TAFA1: variants seen among roughly 807,000 people sequenced by gnomAD.
The protein encoded by TAFA1 is TAFA chemokine like family member 1.
A neutral mutation model predicts 18.5 loss-of-function variants in TAFA1; 4 were observed. The observed-to-expected ratio is 0.22, with a 90% CI of 0.11 to 0.49. The LOEUF (loss-of-function observed/expected upper bound fraction) is 0.49, where lower values mean the gene tolerates loss of function less well. Ranked by LOEUF, TAFA1 falls within the 20% of genes least tolerant of loss-of-function variation. The probability of loss-of-function intolerance (pLI) is 0.98; values close to 1 mark genes in which losing one functional copy is unlikely to be tolerated. For synonymous variants in TAFA1, 56 were observed against 55.2 expected (o/e 1.01, Z -0.06); for missense variants, 147 against 169.0 (o/e 0.87, Z 0.72).
chr3:68,129,829 C>A (rs1347049302), intron 2 of TAFA1, among the ~76,000 whole-genome samples: 7 of 152,132 alleles, frequency 4.6e-5, no homozygotes, highest in Non-Finnish European at 1.0e-4. Context: ...AAAGTTCCTT[C>A]TTGAAGTAAG....
chr3:68,379,052 T>C (rs2069876803), intron 2 of TAFA1, among the ~76,000 whole-genome samples: 1 of 152,204 alleles, frequency 6.6e-6, no homozygotes. Context: ...GGTCAAATGT[T>C]ATTTCTGTTT....
intron 2 of TAFA1, among the ~76,000 whole-genome samples, chr3:68,173,781 A>G (rs1204567670): frequency 6.6e-6 from 1 of 151,984 alleles, no homozygotes; most frequent in African/African-American, 2.4e-5. Flanking sequence ...GTGTTTTTAG[A>G]GCCCTTCCCT....
intron 2 of TAFA1, among the ~76,000 whole-genome samples, chr3:68,061,169 C>T (rs565251882): frequency 5.3e-5 from 8 of 152,264 alleles, no homozygotes; most frequent in Non-Finnish European, 1.0e-4. Flanking sequence ...ATGGCATATG[C>T]GAGTCTGTCT....
chr3:68,373,561 C>A (rs919221065), intron 2 of TAFA1, among the ~76,000 whole-genome samples: 2 of 152,100 alleles, frequency 1.3e-5, no homozygotes, highest in Non-Finnish European at 2.9e-5. Context: ...TCTAAGGTAC[C>A]CCATGCCCTC....
upstream of TAFA1, among the ~76,000 whole-genome samples, chr3:67,999,695 A>T (rs1362329838): frequency 6.6e-6 from 1 of 152,036 alleles, no homozygotes; most frequent in Non-Finnish European, 1.5e-5. Flanking sequence ...ATTTAGTGGC[A>T]AGTAGGCATT....
intron 2 of TAFA1, among the ~76,000 whole-genome samples, chr3:68,334,965 G>A (rs1277549698): frequency 6.6e-6 from 1 of 152,050 alleles, no homozygotes; most frequent in Non-Finnish European, 1.5e-5. Context: ...TAACTTCAAG[G>A]GAATAAAGAA....
intron 4 of TAFA1, among the ~76,000 whole-genome samples, chr3:68,543,176 T>G (rs1485137044): frequency 6.6e-6 from 1 of 152,138 alleles, no homozygotes; most frequent in African/African-American, 2.4e-5. Flanking sequence ...TTTGGCTTAG[T>G]GATTTTGGAG....
chr3:68,222,942 G>A lies in TAFA1; in HGVS notation c.119-194338G>A, dbSNP rs116736923. On this transcript the variant is annotated intron_variant, in intron 2 of 4. Transcript: ENST00000478136. ...CCCACCTTAGCCTCCCAAAGTGCTA[G>A]TGCTGGGATTATAGACATGAGCCAC... Among the ~76,000 whole-genome samples, 1,283 of 152,260 alleles carry A rather than the reference G, an allele frequency of 8.4e-3. 16 individuals are homozygous for A. The highest frequency in any genetic ancestry group is 0.029 in the African/African-American group (1,219 of 41,542).
chr3:68,025,086 C>A lies in TAFA1; in HGVS notation c.118+18342C>A, dbSNP rs1322204620. 3.9e-5 allele frequency among the ~76,000 whole-genome samples: 6 copies of A among 152,282 alleles called. No homozygotes were observed. The South Asian group carries it at 1.0e-3, about 26-fold the overall frequency. On this transcript the variant is annotated intron_variant, in intron 2 of 4. Transcript: ENST00000478136. ...TAAAACAGATCTTCCCTAGTCCCCA[C>A]ACCTATTCCATCCATACCTTTCTTC...
At chr3:68,127,846 GTGGTGGTGGTGGTTGTGGTGATGATTA>G (rs982107837) in intron 2 of TAFA1, among the ~76,000 whole-genome samples, 1 of 147,486 alleles carries the variant, frequency 6.8e-6, no homozygotes, top group African/African-American at 2.6e-5. Context: ...GCTGATAGCA[GTGGTGGTGGTGGTTGTGGTGATGATTA>G]TGGTGGTGGT....
intron 3 of TAFA1, among the ~76,000 whole-genome samples, chr3:68,465,629 C>T (rs888988593): frequency 6.6e-6 from 1 of 152,160 alleles, no homozygotes; most frequent in Non-Finnish European, 1.5e-5. Context: ...CTATCTTGCT[C>T]TCCTGCTGGT....
intron 2 of TAFA1, among the ~76,000 whole-genome samples, chr3:68,407,495 A>T (rs1020234140): frequency 2.6e-5 from 4 of 152,144 alleles, no homozygotes; most frequent in Admixed American, 2.6e-4. Flanking sequence ...AATAGCTATA[A>T]TATGTCTACT....
chr3:68,383,431 A>G (rs1559643947), intron 2 of TAFA1, among the ~76,000 whole-genome samples: 1 of 152,118 alleles, frequency 6.6e-6, no homozygotes, highest in African/African-American at 2.4e-5. Context: ...TTCTGCATCT[A>G]TTGAGATAAT....
At chr3:68,113,337 C>T (rs1360353933) in intron 2 of TAFA1, among the ~76,000 whole-genome samples, 2 of 152,118 alleles carry the variant, frequency 1.3e-5, no homozygotes, top group African/African-American at 2.4e-5. Context: ...TTTCCATAAA[C>T]GGTGCTGGGA....
intron 2 of TAFA1, among the ~76,000 whole-genome samples, chr3:68,095,387 A>G (rs1029515084): frequency 1.9e-4 from 29 of 152,174 alleles, no homozygotes; most frequent in Non-Finnish European, 3.8e-4. Flanking sequence ...GCTTCGTGCT[A>G]TTCAAGCCTG....
At chr3:68,402,445 T>C (rs146902277) in intron 2 of TAFA1, among the ~76,000 whole-genome samples, 1 of 152,330 alleles carries the variant, frequency 6.6e-6, no homozygotes, top group African/African-American at 2.4e-5. Flanking sequence ...TCTCTTTCAA[T>C]GTCTGTGGAT....
intron 2 of TAFA1, among the ~76,000 whole-genome samples, chr3:68,049,895 C>A (rs867215668): frequency 1.3e-5 from 2 of 152,052 alleles, no homozygotes; most frequent in African/African-American, 4.8e-5. Flanking sequence ...ATGCGTTTAT[C>A]CTGCTTTGTA....
At chr3:68,171,166 A>G (rs1428932616) in intron 2 of TAFA1, among the ~76,000 whole-genome samples, 1 of 152,200 alleles carries the variant, frequency 6.6e-6, no homozygotes, top group Non-Finnish European at 1.5e-5. Flanking sequence ...GTAATCACAA[A>G]GGTTCTTTAA....
chr3:68,374,336 G>A (rs1454005853), intron 2 of TAFA1, among the ~76,000 whole-genome samples: 1 of 152,122 alleles, frequency 6.6e-6, no homozygotes, highest in Non-Finnish European at 1.5e-5. Flanking sequence ...CCATATGGAT[G>A]GAGCAGAGCT....
Sources: gnomAD v4.1 joint callset for allele counts (sites outside exome capture counted in the v4.1 genomes callset) on GRCh38, gnomAD v4.1.1 for gene constraint, MANE v1.5 for transcripts, NCBI Gene and HGNC (gene_info 2026-07-23, HGNC 2026-07-21) for gene names.